Variants in OLA1 observed in about 807,000 individuals in gnomAD.
OLA1 encodes Obg like ATPase 1.
OLA1 carries 14 observed loss-of-function variants against 48.4 expected under a neutral mutation model. That is an observed-to-expected ratio of 0.29 (90% CI 0.19 to 0.45). The LOEUF (loss-of-function observed/expected upper bound fraction) is 0.45, where lower values mean the gene tolerates loss of function less well. Among genes scored for constraint, OLA1 ranks in the 20% least tolerant of loss-of-function variants. The pLI, the probability that OLA1 is intolerant of heterozygous loss-of-function variation, is 1.00. For synonymous variants in OLA1, 127 were observed against 150.4 expected, an observed-to-expected ratio of 0.84 and a Z score of 1.14; for missense variants, 325 against 467.1, an observed-to-expected ratio of 0.70 and a Z score of 2.80.
At chr2:174,153,993 A>T (rs1017944541) in intron 4 of OLA1, among the ~76,000 whole-genome samples, 13 of 152,072 alleles carry the variant, frequency 8.5e-5, no homozygotes, top group African/African-American at 3.1e-4. Flanking sequence ...CAGCCTCCTG[A>T]GTAGGTGGAA....
intron 4 of OLA1, among the ~76,000 whole-genome samples, chr2:174,190,796 A>C (rs1047314719): frequency 6.6e-6 from 1 of 151,996 alleles, no homozygotes; most frequent in Non-Finnish European, 1.5e-5. Flanking sequence ...ACCTAATAAA[A>C]GGTTATGTTT....
intron 5 of OLA1, among the ~76,000 whole-genome samples, chr2:174,125,343 GGA>G (rs1686023388): frequency 4.6e-5 from 7 of 152,148 alleles, no homozygotes; most frequent in Admixed American, 3.3e-4. Flanking sequence ...TAATCTAGGG[GGA>G]GAGAGTCCTC....
At chr2:174,208,515 T>C (rs1000263597) in intron 4 of OLA1, among the ~76,000 whole-genome samples, 17 of 152,218 alleles carry the variant, frequency 1.1e-4, no homozygotes, top group African/African-American at 4.1e-4. Flanking sequence ...GGGCTTGGTC[T>C]GTCCAAGATG....
At chr2:174,212,272 T>A (rs1688261990) in intron 4 of OLA1, among the ~76,000 whole-genome samples, 1 of 152,192 alleles carries the variant, frequency 6.6e-6, no homozygotes, top group East Asian at 1.9e-4. Flanking sequence ...AACACAATGG[T>A]AAGTATTTGT....
intron 3 of OLA1, among the ~76,000 whole-genome samples, chr2:174,225,452 G>A (rs1355669826): frequency 2.0e-5 from 3 of 152,040 alleles, no homozygotes; most frequent in African/African-American, 7.2e-5. Context: ...CAGGAGGCTG[G>A]GGCAGGAAAT....
At chr2:174,242,789 C>T (rs1038161901) in intron 2 of OLA1, among the ~76,000 whole-genome samples, 1 of 152,198 alleles carries the variant, frequency 6.6e-6, no homozygotes, top group African/African-American at 2.4e-5. Context: ...CCCCAATATT[C>T]TCTAAGCCTC....
intron 9 of OLA1, chr2:174,080,925 A>G: frequency 4.4e-6 from 2 of 454,396 alleles, no homozygotes; most frequent in South Asian, 5.1e-5. Flanking sequence ...TACAGGATGA[A>G]GAAATTCAGA....
chr2:174,167,797 A>C (rs572430513), intron 4 of OLA1, among the ~76,000 whole-genome samples: 1 of 152,340 alleles, frequency 6.6e-6, no homozygotes, highest in South Asian at 2.1e-4. Flanking sequence ...TATGCATGCT[A>C]TCACTATAGG....
chr2:174,100,814 T>C (rs1416273302), intron 7 of OLA1, among the ~76,000 whole-genome samples: 1 of 152,194 alleles, frequency 6.6e-6, no homozygotes, highest in Admixed American at 6.5e-5. Flanking sequence ...AAAGTTCCCC[T>C]ATGCTCCCTT....
chr2:174,078,573 TTAAC>T (rs1363440321), intron 10 of OLA1, among the ~76,000 whole-genome samples: 5 of 151,974 alleles, frequency 3.3e-5, no homozygotes, highest in South Asian at 4.1e-4. Flanking sequence ...CAGCTTTTAT[TTAAC>T]TAACTTTCTA....
chr2:174,085,988 T>C (rs1346677915), intron 7 of OLA1, among the ~76,000 whole-genome samples: 2 of 152,112 alleles, frequency 1.3e-5, no homozygotes, highest in African/African-American at 4.8e-5. Flanking sequence ...GCTATATTTG[T>C]GTATGTGTGG....
At chr2:174,246,592 T>C (rs143728150) in intron 2 of OLA1, 123 bp downstream of exon 2, 53 of 677,256 alleles carry the variant, frequency 7.8e-5, no homozygotes, top group Non-Finnish European at 2.1e-5. Flanking sequence ...GCAATATTAA[T>C]AGTCCAGCTT....
At chr2:174,138,374 T>C (rs1437542532) in intron 5 of OLA1, among the ~76,000 whole-genome samples, 4 of 152,112 alleles carry the variant, frequency 2.6e-5, no homozygotes, top group Non-Finnish European at 4.4e-5. Flanking sequence ...GGTGGAGCAA[T>C]CAGAGCACAC....
In OLA1 at chr2:174,139,102, A is replaced by G. The variant is rs182317770; in HGVS notation, c.549+2723T>C. Among the ~76,000 whole-genome samples, 280 of 152,358 alleles carry G rather than the reference A, an allele frequency of 1.8e-3. 1 individual carries two copies. The highest frequency in any genetic ancestry group is 6.4e-3 in the African/African-American group (265 of 41,582). On this transcript the variant is annotated intron_variant, in intron 5 of 10. Transcript: ENST00000284719. ...TGATCTTGATGACTTGGTATTATAG[A>G]TTGAATCCCATCCCTGATACTCAGA...
intron 4 of OLA1, among the ~76,000 whole-genome samples, chr2:174,157,952 G>C (rs1027056375): frequency 6.6e-6 from 1 of 152,132 alleles, no homozygotes; most frequent in Non-Finnish European, 1.5e-5. Context: ...TGTAAGAAAG[G>C]ATAAGACCTA....
Position 174,124,540 on chromosome 2 carries a change from G to A in OLA1, c.550-865C>T, listed in dbSNP as rs983494041. Among the ~76,000 whole-genome samples, 10 of 152,258 alleles carry A rather than the reference G, an allele frequency of 6.6e-5. No homozygotes were observed. The South Asian group carries it at 1.2e-3, about 19-fold the overall frequency. ...TTGTGGTTCTGAATCTAAAAGCTGC[G>A]TGTGGCAAGGTTCTCCTTACAGGCA... On this transcript the variant is annotated intron_variant, in intron 5 of 10. Coordinates refer to ENST00000284719, the MANE Select transcript of OLA1 (RefSeq NM_013341.5).
chr2:174,232,993 C>T (rs1358186026), intron 2 of OLA1, among the ~76,000 whole-genome samples: 1 of 152,078 alleles, frequency 6.6e-6, no homozygotes, highest in East Asian at 1.9e-4. Flanking sequence ...AAAATGTTAT[C>T]TACATATGAT....
intron 4 of OLA1, among the ~76,000 whole-genome samples, chr2:174,181,370 T>A (rs112911400): frequency 2.0e-5 from 3 of 152,298 alleles, no homozygotes; most frequent in African/African-American, 7.2e-5. Context: ...GAGGAGGGAA[T>A]GAGGGCCAAG....
chr2:174,075,571 C>G (rs377366802), intron 10 of OLA1, 44 bp from the exon 11 acceptor site: 48 of 1,158,610 alleles, frequency 4.1e-5, no homozygotes, highest in Non-Finnish European at 6.0e-5. Context: ...TAGTTTACAA[C>G]TAAATACATG....
Sources: gnomAD v4.1 joint callset for allele counts (sites outside exome capture counted in the v4.1 genomes callset) on GRCh38, gnomAD v4.1.1 for gene constraint, MANE v1.5 for transcripts, NCBI Gene and HGNC (gene_info 2026-07-23, HGNC 2026-07-21) for gene names.